GRM8: variants seen among roughly 807,000 people sequenced by gnomAD.
GRM8 encodes the protein glutamate metabotropic receptor 8.
GRM8 carries 47 observed loss-of-function variants against 87.2 expected under a neutral mutation model. The ratio of observed to expected loss-of-function variants is 0.54; its 90% CI spans 0.43 to 0.69. The LOEUF is 0.69. Ranked by LOEUF, GRM8 falls within the 30% of genes least tolerant of loss-of-function variation. The pLI is 0.00. For synonymous variants in GRM8, 396 were observed against 404.5 expected (o/e 0.98, Z 0.25); for missense variants, 1,019 against 1,139.2 (o/e 0.89, Z 1.52).
chr7:127,031,263 T>C (rs2132303800), intron 3 of GRM8, among the ~76,000 whole-genome samples: 1 of 152,276 alleles, frequency 6.6e-6, no homozygotes, highest in South Asian at 2.1e-4. Context: ...TTTGTTTTTT[T>C]CCCCTTGTTT....
At chr7:126,915,027 GT>G (rs1232899291) in intron 3 of GRM8, among the ~76,000 whole-genome samples, 1 of 152,246 alleles carries the variant, frequency 6.6e-6, no homozygotes, top group Non-Finnish European at 1.5e-5. Flanking sequence ...GAGAGATGCT[GT>G]GATCTGGAGG....
At chr7:127,060,431 GA>G (rs1483926821) in intron 3 of GRM8, among the ~76,000 whole-genome samples, 1 of 152,046 alleles carries the variant, frequency 6.6e-6, no homozygotes, top group Admixed American at 6.5e-5. Context: ...CAGAAAGAGA[GA>G]AAAAGTTTTC....
At chr7:126,725,592 T>C (rs1413467528) in intron 7 of GRM8, among the ~76,000 whole-genome samples, 5 of 152,162 alleles carry the variant, frequency 3.3e-5, no homozygotes, top group Non-Finnish European at 7.3e-5. Context: ...CTTAACCAAT[T>C]ATCAGGTTGG....
intron 3 of GRM8, among the ~76,000 whole-genome samples, chr7:126,943,749 C>G (rs145407982): frequency 0.011 from 1,716 of 152,278 alleles, 15 homozygotes; most frequent in Non-Finnish European, 0.014. Context: ...TTCATGTTCA[C>G]AGAACAAGTG....
chr7:127,108,166 T>C (rs550438412), intron 2 of GRM8, among the ~76,000 whole-genome samples: 10 of 152,280 alleles, frequency 6.6e-5, no homozygotes, highest in African/African-American at 2.4e-4. Context: ...TGACAAATTT[T>C]TCCCCTGGTT....
At chr7:126,456,648 G>A (rs1216615025) in intron 9 of GRM8, among the ~76,000 whole-genome samples, 1 of 149,858 alleles carries the variant, frequency 6.7e-6, no homozygotes, top group Non-Finnish European at 1.5e-5. Flanking sequence ...TATATCTAAA[G>A]GGATATTGCT....
intron 6 of GRM8, among the ~76,000 whole-genome samples, chr7:126,820,154 T>A (rs774732719): frequency 3.9e-5 from 6 of 152,214 alleles, no homozygotes; most frequent in African/African-American, 9.6e-5. Context: ...AAATAAAATC[T>A]TCTAGAAAGA....
intron 7 of GRM8, among the ~76,000 whole-genome samples, chr7:126,759,022 C>T (rs376998730): frequency 6.6e-6 from 1 of 152,024 alleles, no homozygotes; most frequent in African/African-American, 2.4e-5. Flanking sequence ...CTCAGCCTCC[C>T]TAGCAGCTGG....
chr7:126,489,081 T>G (rs1807701038), intron 9 of GRM8, among the ~76,000 whole-genome samples: 1 of 151,850 alleles, frequency 6.6e-6, no homozygotes, highest in African/African-American at 2.4e-5. Flanking sequence ...GGCTAGGAAA[T>G]AGAAGATCTA....
chr7:126,680,344 T>G (rs1209476582), intron 7 of GRM8, among the ~76,000 whole-genome samples: 1 of 152,230 alleles, frequency 6.6e-6, no homozygotes, highest in Non-Finnish European at 1.5e-5. Context: ...ATAACCCACA[T>G]TTCTTTGATC....
At chr7:126,484,252 A>G (rs570891679) in intron 9 of GRM8, among the ~76,000 whole-genome samples, 263 of 152,214 alleles carry the variant, frequency 1.7e-3, no homozygotes, top group Non-Finnish European at 3.0e-3. Context: ...GGTTACCCCA[A>G]TGATGGAGCA....
intron 8 of GRM8, among the ~76,000 whole-genome samples, chr7:126,539,640 A>G (rs1055689610): frequency 1.3e-5 from 2 of 152,048 alleles, no homozygotes; most frequent in Non-Finnish European, 2.9e-5. Flanking sequence ...CCTCATACAC[A>G]TTTATAATAT....
At chr7:126,612,357 C>T (rs1443003521) in intron 7 of GRM8, among the ~76,000 whole-genome samples, 1 of 152,126 alleles carries the variant, frequency 6.6e-6, no homozygotes, top group Non-Finnish European at 1.5e-5. Flanking sequence ...ATTCATTATG[C>T]TCTGTCTCAC....
At chr7:126,736,071 C>G (rs1379225373) in intron 7 of GRM8, among the ~76,000 whole-genome samples, 1 of 152,034 alleles carries the variant, frequency 6.6e-6, no homozygotes, top group African/African-American at 2.4e-5. Context: ...ACAAAAGACT[C>G]ATGGCTCAGC....
rs1812417517 is a variant in GRM8, at chr7:126,989,439, A to G, written c.728-84756T>C. 1.3e-5 allele frequency among the ~76,000 whole-genome samples: 2 copies of G among 152,182 alleles called. 1 individual carries two copies. The highest frequency in any genetic ancestry group is 4.1e-4 in the South Asian group (2 of 4,828). ...GATTATTCAAGCTTATCTCCTTTTT[A>G]TAACTTTGAAAATAAGCTGAAATCT... On this transcript the variant is annotated intron_variant, in intron 3 of 10. Transcript: ENST00000339582.
At chr7:127,194,884 G>C (rs1053178296) in intron 2 of GRM8, among the ~76,000 whole-genome samples, 2 of 152,128 alleles carry the variant, frequency 1.3e-5, no homozygotes, top group Admixed American at 6.6e-5. Context: ...AGGTCACATG[G>C]TGATTTACAA....
intron 2 of GRM8, among the ~76,000 whole-genome samples, chr7:127,122,208 C>G (rs1827128728): frequency 6.6e-6 from 1 of 152,154 alleles, no homozygotes; most frequent in Admixed American, 6.5e-5. Flanking sequence ...GACAGTAAAA[C>G]AACTCAGGAT....
chr7:126,439,859 TTA>T (rs1801259137), intron 10 of GRM8, among the ~76,000 whole-genome samples: 1 of 151,588 alleles, frequency 6.6e-6, no homozygotes, highest in East Asian at 1.9e-4. Flanking sequence ...TGTGTGTGTC[TTA>T]GTTTTTAATA....
chr7:126,756,255 A>C (rs1816999137), intron 7 of GRM8, among the ~76,000 whole-genome samples: 1 of 152,062 alleles, frequency 6.6e-6, no homozygotes, highest in African/African-American at 2.4e-5. Flanking sequence ...CTCTTTAAAC[A>C]AACAAACTCA....
Sources: allele counts gnomAD v4.1 joint callset (sites outside exome capture counted in the v4.1 genomes callset), GRCh38; gene constraint gnomAD v4.1.1; transcripts MANE v1.5; gene names NCBI Gene and HGNC (gene_info 2026-07-23, HGNC 2026-07-21).